The following LHPP variants were observed in gnomAD, a reference collection of about 807,000 sequenced individuals.
LHPP encodes the protein phospholysine phosphohistidine inorganic pyrophosphate phosphatase.
A neutral mutation model predicts 30.3 loss-of-function variants in LHPP; 24 were observed. The observed-to-expected ratio is 0.79, with a 90% CI of 0.57 to 1.11. The LOEUF (loss-of-function observed/expected upper bound fraction) is 1.11. Ranked by LOEUF, LHPP falls within the 50% of genes most tolerant of loss-of-function variation. The probability of loss-of-function intolerance (pLI) is 0.00; values close to 1 mark genes in which losing one functional copy is unlikely to be tolerated. For synonymous variants in LHPP, 150 were observed against 157.1 expected (o/e 0.95, Z 0.34); for missense variants, 356 against 367.2 (o/e 0.97, Z 0.25).
intron 6 of LHPP, among the ~76,000 whole-genome samples, chr10:124,602,627 T>G (rs1476980240): frequency 6.6e-6 from 1 of 152,054 alleles, no homozygotes; most frequent in Non-Finnish European, 1.5e-5. Context: ...AGGAGAGACT[T>G]TTGTCCTTAC....
intron 6 of LHPP, among the ~76,000 whole-genome samples, chr10:124,547,222 G>A (rs927415252): frequency 5.9e-5 from 9 of 152,118 alleles, no homozygotes; most frequent in Admixed American, 1.3e-4. Context: ...ACCTGTCCTC[G>A]GTGTGGAGTT....
chr10:124,529,340 C>G (rs984208817), intron 6 of LHPP, among the ~76,000 whole-genome samples: 14 of 152,098 alleles, frequency 9.2e-5, no homozygotes, highest in African/African-American at 3.4e-4. Context: ...AGGAAAACCA[C>G]CTGAAAGTGC....
intron 6 of LHPP, among the ~76,000 whole-genome samples, chr10:124,544,750 C>T (rs1207943136): frequency 6.6e-6 from 1 of 152,188 alleles, no homozygotes; most frequent in East Asian, 1.9e-4. Flanking sequence ...GAAGGCTGCC[C>T]CCGTCACGGG....
intron 6 of LHPP, among the ~76,000 whole-genome samples, chr10:124,568,358 C>G (rs531228256): frequency 1.4e-3 from 220 of 152,360 alleles, no homozygotes; most frequent in Non-Finnish European, 2.6e-3. Context: ...ATTTCCCACC[C>G]TCTTCTTGCC....
At chr10:124,515,338 C>G (rs1041571882) in intron 5 of LHPP, among the ~76,000 whole-genome samples, 1 of 152,148 alleles carries the variant, frequency 6.6e-6, no homozygotes, top group Admixed American at 6.6e-5. Context: ...TCTCTAGAAG[C>G]TTGGTTTGGA....
Position 124,541,730 on chromosome 10 carries a change from C to T in LHPP, c.716+24459C>T, listed in dbSNP as rs191097800. 1.4e-3 allele frequency among the ~76,000 whole-genome samples: 210 copies of T among 152,236 alleles called. No individual in the cohort carries two copies. Among genetic ancestry groups the T allele is most frequent in the African/African-American group, 4.8e-3 (200 of 41,534 alleles). ...CATCCCTCAGTACAAGCTACGAGGG[C>T]TTCTTAGAACACGCTGGACACTGGG... On this transcript the variant is annotated intron_variant, in intron 6 of 6. Transcript: ENST00000368842. This position sits in a 1 kb window ranked among gnomAD's most constrained non-coding sequence, Gnocchi z 4.2.
chr10:124,580,850 C>A (rs28896277), intron 6 of LHPP, among the ~76,000 whole-genome samples: 20,280 of 151,902 alleles, frequency 0.13, 1,832 homozygotes, highest in Non-Finnish European at 0.2. Flanking sequence ...TCCTGAGTAG[C>A]TGGGATTACA....
At chr10:124,519,235 A>G (rs1196375567) in intron 6 of LHPP, among the ~76,000 whole-genome samples, 1 of 152,206 alleles carries the variant, frequency 6.6e-6, no homozygotes, top group Non-Finnish European at 1.5e-5. Context: ...CGCGTGAGCC[A>G]CCGCGCCCGG....
At chr10:124,528,826 C>A (rs1347460969) in intron 6 of LHPP, among the ~76,000 whole-genome samples, 1 of 152,156 alleles carries the variant, frequency 6.6e-6, no homozygotes, top group Non-Finnish European at 1.5e-5. Context: ...TGTCCCCTGC[C>A]CTCTAGGGCT....
intron 6 of LHPP, among the ~76,000 whole-genome samples, chr10:124,589,842 C>T (rs866872422): frequency 1.3e-5 from 2 of 152,220 alleles, no homozygotes; most frequent in African/African-American, 4.8e-5. Context: ...CGTGCAGCCC[C>T]GTCCTCCAGC....
At chr10:124,612,142 T>G (rs1377843049) in intron 6 of LHPP, among the ~76,000 whole-genome samples, 1 of 152,042 alleles carries the variant, frequency 6.6e-6, no homozygotes, top group Admixed American at 6.5e-5. Flanking sequence ...GGTGGCTCAC[T>G]CCTGTAATCC....
chr10:124,503,608 A>G (rs1392100367), intron 5 of LHPP, among the ~76,000 whole-genome samples: 1 of 152,020 alleles, frequency 6.6e-6, no homozygotes, highest in Non-Finnish European at 1.5e-5. Context: ...TATGTAAAAC[A>G]TTTATATGGT....
chr10:124,558,327 C>T (rs940331970), intron 6 of LHPP, among the ~76,000 whole-genome samples: 2 of 152,186 alleles, frequency 1.3e-5, no homozygotes, highest in African/African-American at 4.8e-5. Flanking sequence ...TCCCAGTGGG[C>T]CCCACGAGCC....
chr10:124,585,260 T>C (rs1049672940), intron 6 of LHPP, among the ~76,000 whole-genome samples: 4 of 152,340 alleles, frequency 2.6e-5, no homozygotes, highest in Admixed American at 2.6e-4. Flanking sequence ...TTTATTCTTT[T>C]TGAGCTACCA....
chr10:124,550,218 C>G (rs1249961929), intron 6 of LHPP, among the ~76,000 whole-genome samples: 3 of 152,254 alleles, frequency 2.0e-5, no homozygotes, highest in African/African-American at 7.2e-5. Flanking sequence ...CACAGTCATC[C>G]TCATACCCTC....
chr10:124,468,798 G>A (rs1952637465), intron 1 of LHPP, among the ~76,000 whole-genome samples: 1 of 152,160 alleles, frequency 6.6e-6, no homozygotes, highest in South Asian at 2.1e-4. Flanking sequence ...AGTGCCTCTG[G>A]GGCCAGATCA....
chr10:124,504,132 C>T (rs1184332742), intron 5 of LHPP, among the ~76,000 whole-genome samples: 2 of 152,020 alleles, frequency 1.3e-5, no homozygotes, highest in Non-Finnish European at 2.9e-5. Context: ...GCGGAGGTTA[C>T]AGTGAGCCGA....
At chr10:124,473,958 AAAAC>A (rs1285372126) in intron 1 of LHPP, among the ~76,000 whole-genome samples, 2 of 152,078 alleles carry the variant, frequency 1.3e-5, no homozygotes, top group African/African-American at 2.4e-5. Context: ...CAAAAAAGCA[AAAAC>A]AAACAAAAGC....
At chr10:124,499,135 C>T (rs1475773801) in intron 5 of LHPP, among the ~76,000 whole-genome samples, 1 of 151,818 alleles carries the variant, frequency 6.6e-6, no homozygotes, top group Non-Finnish European at 1.5e-5. Context: ...CCGCCTTGGC[C>T]TCTCAAAGTG....
Sources: gnomAD v4.1 joint callset for allele counts (sites outside exome capture counted in the v4.1 genomes callset) on GRCh38, gnomAD v4.1.1 for gene constraint, Gnocchi (gnomAD v3.1) non-coding constraint, MANE v1.5 for transcripts, NCBI Gene and HGNC (gene_info 2026-07-23, HGNC 2026-07-21) for gene names.